CLDND1: variants seen among roughly 807,000 people sequenced by gnomAD.
CLDND1 encodes the protein claudin domain-containing protein 1.
CLDND1 carries 13 observed loss-of-function variants against 26.3 expected under a neutral mutation model. That is an observed-to-expected ratio of 0.49 (90% confidence interval 0.32 to 0.78). The LOEUF is 0.78. Among genes scored for constraint, CLDND1 ranks in the 30% least tolerant of loss-of-function variants. The pLI is 0.03. For synonymous variants in CLDND1, 107 were observed against 107.0 expected (o/e 1.00, Z 0.00); for missense variants, 289 against 312.8 (o/e 0.92, Z 0.57).
chr3:98,522,585 G>A, intron 1 of CLDND1: 1 of 1,375,812 alleles, frequency 7.3e-7, no homozygotes, highest in South Asian at 1.7e-5. Flanking sequence ...GTCCAAGCCG[G>A]ACGCCTGCAG....
At chr3:98,520,387 G>A (rs1706355440) in intron 2 of CLDND1, among the ~76,000 whole-genome samples, 1 of 152,072 alleles carries the variant, frequency 6.6e-6, no homozygotes, top group Non-Finnish European at 1.5e-5. Context: ...ACTCAAGCCT[G>A]TTCTGCTATG....
intron 3 of CLDND1, among the ~76,000 whole-genome samples, chr3:98,517,673 T>C (rs1441843079): frequency 1.3e-5 from 2 of 152,208 alleles, no homozygotes; most frequent in Admixed American, 1.3e-4. Context: ...ATTGTGTAGG[T>C]TATATGCTAA....
chr3:98,517,560 T>A (rs1402238015), intron 3 of CLDND1, among the ~76,000 whole-genome samples: 2 of 151,958 alleles, frequency 1.3e-5, no homozygotes, highest in Non-Finnish European at 2.9e-5. Flanking sequence ...GAAAAAAAAA[T>A]GATACAAATT....
Position 98,521,559 on chromosome 3 carries a change from C to G in CLDND1, c.-18-117G>C. The G allele has an allele frequency of 2.0e-6, 3 of 1,468,250 alleles. No homozygotes were observed. In the South Asian group the frequency reaches 3.5e-5, roughly 17 times the overall value. The allele number at this position is 1,468,250 out of a possible 1,614,324, so 91.0% of individuals were successfully genotyped here. A position where few individuals can be genotyped will look rare whatever the true frequency, so the allele number is the denominator to read the frequency against. ...ATTCCCCATCCCTTCGTACATATAACCATTAAGAATTTTTTTTAGAAAGCA... is the reference window on the plus strand; with the variant it reads ...ATTCCCCATCCCTTCGTACATATAAGCATTAAGAATTTTTTTTAGAAAGCA... On this transcript the variant is annotated intron_variant, in intron 1 of 4. Coordinates refer to ENST00000341181, the MANE Select transcript of CLDND1 (RefSeq NM_001040181.2).
intron 3 of CLDND1, among the ~76,000 whole-genome samples, chr3:98,518,451 C>CTAAG (rs1043479203): frequency 6.6e-5 from 10 of 152,272 alleles, no homozygotes; most frequent in African/African-American, 2.4e-4. Flanking sequence ...TTACTATCAC[C>CTAAG]TAAGACTGGA....
In CLDND1 at chr3:98,516,152, G is replaced by T. The variant is rs1224413765; in HGVS notation, c.*507C>A. On this transcript the variant is annotated 3_prime_UTR_variant, in exon 5 of 5. Coordinates refer to ENST00000341181, the MANE Select transcript of CLDND1 (RefSeq NM_001040181.2). Reference sequence around the variant, plus strand: ...CTATGTGTCAATGCTTAGGGAAAATGATCTTAGATAATTTCCCAATTTTAT... The same window carrying T: ...CTATGTGTCAATGCTTAGGGAAAATTATCTTAGATAATTTCCCAATTTTAT... The T allele has an allele frequency of 1.1e-5, 12 of 1,044,634 alleles. No individual in the cohort carries two copies. The Admixed American group carries it at 1.5e-4, about 13-fold the overall frequency. The allele number at this position is 1,044,634 out of a possible 1,614,324, so 64.7% of individuals were successfully genotyped here.
intron 1 of CLDND1, 58 bp from the exon 2 acceptor site, chr3:98,521,500 T>G (rs992408068): frequency 6.5e-6 from 10 of 1,538,752 alleles, no homozygotes; most frequent in Non-Finnish European, 8.9e-6. Context: ...TAAGAAAGAT[T>G]ATTTTGAATT....
chr3:98,521,979 T>C lies in CLDND1; in HGVS notation c.-18-537A>G, dbSNP rs1706436847. 3 of 418,882 alleles carry C rather than the reference T, an allele frequency of 7.2e-6. No individual in the cohort carries two copies. In the East Asian group the frequency reaches 1.2e-4, roughly 16 times the overall value. The allele number at this position is 418,882 out of a possible 1,614,324, so 25.9% of individuals were successfully genotyped here. ...AGAAAACAGAGTTGAAGATGTTTGT[T>C]AACCCCGAGGGAAAGGTTGTTCTAG... On this transcript the variant is annotated intron_variant, in intron 1 of 4. Coordinates refer to ENST00000341181, the MANE Select transcript of CLDND1 (RefSeq NM_001040181.2).
chr3:98,516,056 T>C lies in CLDND1; in HGVS notation c.*603A>G. 8.6e-7 allele frequency: 1 copy of C among 1,157,372 alleles called. No individual in the cohort carries two copies. Among genetic ancestry groups the C allele is most frequent in the Non-Finnish European group, 1.1e-6 (1 of 926,348 alleles). The allele number at this position is 1,157,372 out of a possible 1,614,324, so 71.7% of individuals were successfully genotyped here. On this transcript the variant is annotated 3_prime_UTR_variant, in exon 5 of 5. Transcript: ENST00000341181. ...CAAAGTTAAAATTTCAAGTAAACACTGTATTTTTCACTTTTTGTAGACAGA... is the reference window on the plus strand; with the variant it reads ...CAAAGTTAAAATTTCAAGTAAACACCGTATTTTTCACTTTTTGTAGACAGA...
rs537482501 is a variant in CLDND1 at position 98,517,370 on chromosome 3, G to A, written c.404-181C>T. 1.9e-5 allele frequency: 13 copies of A among 667,778 alleles called. No individual in the cohort carries two copies. The African/African-American group carries it at 2.0e-4, about 10-fold the overall frequency. 41.4% of individuals were successfully genotyped at this position (667,778 alleles called of 1,614,324 possible). On this transcript the variant is annotated intron_variant, in intron 3 of 4. Transcript: ENST00000341181. ...GGATGCTACTCTTGTCCTGATAAAAGTAAAAGGACACTAACAGGTAGTAGC... is the reference window on the plus strand; with the variant it reads ...GGATGCTACTCTTGTCCTGATAAAAATAAAAGGACACTAACAGGTAGTAGC...
At chr3:98,522,786 A>G in intron 1 of CLDND1, 63 bp downstream of exon 1, 1 of 1,612,812 alleles carries the variant, frequency 6.2e-7, no homozygotes, top group Non-Finnish European at 8.5e-7. Context: ...CCCTCTTCAA[A>G]CCGCCGGGAA....
chr3:98,521,984 C>T, intron 1 of CLDND1: 1 of 406,678 alleles, frequency 2.5e-6, no homozygotes, highest in Admixed American at 4.0e-5. Context: ...TTTGTTAACC[C>T]CGAGGGAAAG....
chr3:98,521,531 C>T, intron 1 of CLDND1, 89 bp from the exon 2 acceptor site: 1 of 1,467,884 alleles, frequency 6.8e-7, no homozygotes, highest in Non-Finnish European at 9.4e-7. Context: ...CACCCTTTAC[C>T]CAATTCCCCA....
At chr3:98,517,304 T>C (rs1706185433) in intron 3 of CLDND1, 115 bp from the exon 4 acceptor site, 2 of 1,251,502 alleles carry the variant, frequency 1.6e-6, no homozygotes, top group African/African-American at 3.0e-5. Flanking sequence ...GTGAAAGTAT[T>C]TTAACATTGA....
chr3:98,522,780 C>T (rs1192854503), intron 1 of CLDND1, 69 bp downstream of exon 1: 44 of 1,612,578 alleles, frequency 2.7e-5, no homozygotes, highest in Middle Eastern at 3.3e-4. Flanking sequence ...GGGGGCCCCT[C>T]TTCAAACCGC....
Position 98,515,914 on chromosome 3 carries a change from C to G in CLDND1, c.*745G>C. On this transcript the variant is annotated 3_prime_UTR_variant, in exon 5 of 5. Coordinates refer to ENST00000341181, the MANE Select transcript of CLDND1 (RefSeq NM_001040181.2). ...AAAAGAAAGCACACTTTTAATAACCCTGGTATGTGAAGAGGAAAGAAAAAA... is the reference window on the plus strand; with the variant it reads ...AAAAGAAAGCACACTTTTAATAACCGTGGTATGTGAAGAGGAAAGAAAAAA... 1 of 1,258,414 alleles carries G rather than the reference C, an allele frequency of 7.9e-7. No homozygotes were observed. Among genetic ancestry groups the G allele is most frequent in the Non-Finnish European group, 1.0e-6 (1 of 971,914 alleles). 78.0% of individuals were successfully genotyped at this position (1,258,414 alleles called of 1,614,324 possible). A position where few individuals can be genotyped will look rare whatever the true frequency, so the allele number is the denominator to read the frequency against.
At chr3:98,522,731 C>T (rs1706481283) in intron 1 of CLDND1, 118 bp downstream of exon 1, 10 of 1,578,334 alleles carry the variant, frequency 6.3e-6, no homozygotes, top group Non-Finnish European at 7.7e-6. Flanking sequence ...GGGACAAATC[C>T]GCCGCTCGGA....
At position 98,521,448 on chromosome 3, in the gene CLDND1, T is replaced by C. The variant is rs1381638834; in HGVS notation, c.-18-6A>G. The stretch of plus-strand genomic sequence containing the variant: ...ATTCTGGCATTCAGACTGCTCTGTT[T>C]AGAAGTTGAAGAAAGAAGATAAGTT... On this transcript the variant is annotated splice_region_variant and splice_polypyrimidine_tract_variant and intron_variant, in intron 1 of 4. Coordinates refer to ENST00000341181, the MANE Select transcript of CLDND1 (RefSeq NM_001040181.2). The C allele has an allele frequency of 3.7e-6, 6 of 1,606,418 alleles. No homozygotes were observed. Among genetic ancestry groups the C allele is most frequent in the South Asian group, 1.1e-5 (1 of 90,336 alleles).
At chr3:98,520,976 T>C in intron 2 of CLDND1, 157 bp downstream of exon 2, 1 of 648,004 alleles carries the variant, frequency 1.5e-6, no homozygotes, top group South Asian at 2.0e-5. Context: ...GCAAAGAAGT[T>C]GGGGAGAGAA....
Sources: gnomAD v4.1 joint callset for allele counts (sites outside exome capture counted in the v4.1 genomes callset) on GRCh38, gnomAD v4.1.1 for gene constraint, MANE v1.5 for transcripts, NCBI Gene and HGNC (gene_info 2026-07-23, HGNC 2026-07-21) for gene names.